Variants in PKHD1 observed in about 807,000 individuals in gnomAD.
PKHD1 encodes fibrocystin.
Under a neutral mutation model 412.0 loss-of-function variants are expected in PKHD1, and 291 were observed. The observed-to-expected ratio is 0.71, with a 90% CI of 0.64 to 0.78. The LOEUF is 0.78. Ranked by LOEUF, PKHD1 falls within the 30% of genes least tolerant of loss-of-function variation. The probability of loss-of-function intolerance (pLI) is 0.00; values close to 1 mark genes in which losing one functional copy is unlikely to be tolerated. For missense variants in PKHD1, 4,825 were observed against 4,950.7 expected (o/e 0.97, Z 0.76); for synonymous variants, 1,777 against 1,821.5 (o/e 0.98, Z 0.62).
intron 49 of PKHD1, among the ~76,000 whole-genome samples, chr6:51,853,911 A>G: frequency 6.6e-6 from 1 of 152,198 alleles, no homozygotes; most frequent in South Asian, 2.1e-4. Flanking sequence ...TCTGAAGCCT[A>G]CGTCTCTCAA....
chr6:51,627,093 C>G lies in PKHD1; in HGVS notation c.11689G>C (p.Glu3897Gln), dbSNP rs769711602. Residue 3897 changes from glutamate (E) to glutamine (Q), a missense_variant, in exon 66 of 67, where the codon GAA becomes CAA. By Grantham distance (29) the Glu-to-Gln change is conservative (BLOSUM62 2). Coordinates refer to ENST00000371117, the MANE Select transcript of PKHD1 (RefSeq NM_138694.4). ...ATATTTTGATTATTAGTCTGGGATT[C>G]AGGAATCTCTTCAGGTTTTGTTTCT... ...SRKTKPEEIP[E>Q]SQTNNQNIHI... The G allele has an allele frequency of 6.2e-7, 1 of 1,611,546 alleles. No homozygotes were observed. Among genetic ancestry groups the G allele is most frequent in the East Asian group, 2.2e-5 (1 of 44,870 alleles).
intron 52 of PKHD1, among the ~76,000 whole-genome samples, chr6:51,804,764 C>T (rs1326579): frequency 0.59 from 89,709 of 151,870 alleles, 26,808 homozygotes; most frequent in South Asian, 0.67. Context: ...AAGTCAGAAG[C>T]GGGAAAGAGC....
rs1247559530 is a variant in PKHD1, at chr6:51,617,920, ATC to A, written c.*1159_*1160del. The A allele has an allele frequency of 6.6e-6, 1 of 152,072 alleles. No homozygotes were observed. Among genetic ancestry groups the A allele is most frequent in the African/African-American group, 2.4e-5 (1 of 41,356 alleles). 9.4% of individuals were successfully genotyped at this position (152,072 alleles called of 1,614,324 possible). Reference sequence around the variant, plus strand: ...GGATTTTCAGGAAAATCTGAGAGCAATCTCTTTTTGGAAGCTCTCCACATTCC... The same window carrying A: ...GGATTTTCAGGAAAATCTGAGAGCAATCTTTTTGGAAGCTCTCCACATTCC... On this transcript the variant is annotated 3_prime_UTR_variant, in exon 67 of 67. Coordinates refer to ENST00000371117, the MANE Select transcript of PKHD1 (RefSeq NM_138694.4).
At chr6:52,027,545 A>AT (rs1424091858) in intron 31 of PKHD1, among the ~76,000 whole-genome samples, 1 of 150,650 alleles carries the variant, frequency 6.6e-6, no homozygotes, top group Non-Finnish European at 1.5e-5. Flanking sequence ...AAAAAAAAAA[A>AT]AAAAGAAGAA....
chr6:51,760,126 A>C (rs1296431514), intron 55 of PKHD1, among the ~76,000 whole-genome samples: 8 of 152,136 alleles, frequency 5.3e-5, no homozygotes, highest in African/African-American at 1.9e-4. Context: ...AGTTGTTATA[A>C]TAATAAAGTT....
intron 43 of PKHD1, among the ~76,000 whole-genome samples, chr6:51,899,660 T>C (rs910239762): frequency 2.6e-5 from 4 of 151,778 alleles, no homozygotes; most frequent in Non-Finnish European, 5.9e-5. Context: ...TTGGAAGTTC[T>C]GGCCAGGGCA....
chr6:52,061,669 A>C (rs1409130849), intron 14 of PKHD1, among the ~76,000 whole-genome samples: 4 of 150,836 alleles, frequency 2.7e-5, no homozygotes, highest in African/African-American at 7.3e-5. Context: ...ATTACCTTCA[A>C]CGGTAAAAAC....
chr6:51,908,716 T>A (rs1006724895), intron 40 of PKHD1, among the ~76,000 whole-genome samples: 5 of 152,108 alleles, frequency 3.3e-5, no homozygotes, highest in African/African-American at 1.2e-4. Context: ...TTCTTATATC[T>A]TCATGTCTGG....
intron 49 of PKHD1, among the ~76,000 whole-genome samples, chr6:51,851,209 G>C (rs762768469): frequency 6.6e-6 from 1 of 152,130 alleles, no homozygotes; most frequent in African/African-American, 2.4e-5. Flanking sequence ...TTATTGATTT[G>C]TGTATGTTGA....
chr6:51,697,127 G>T (rs1344341571), intron 60 of PKHD1, among the ~76,000 whole-genome samples: 2 of 152,004 alleles, frequency 1.3e-5, no homozygotes, highest in Non-Finnish European at 2.9e-5. Context: ...TTGCAGTGAC[G>T]TGAGATCGTA....
At chr6:51,956,688 T>C (rs752235806) in intron 36 of PKHD1, among the ~76,000 whole-genome samples, 2 of 152,066 alleles carry the variant, frequency 1.3e-5, no homozygotes, top group Non-Finnish European at 2.9e-5. Context: ...GGGGTGGCTG[T>C]AATTTTAGAA....
At chr6:51,625,415 A>G (rs778706064) in intron 66 of PKHD1, among the ~76,000 whole-genome samples, 1 of 152,346 alleles carries the variant, frequency 6.6e-6, no homozygotes, top group South Asian at 2.1e-4. Flanking sequence ...TTTGTCTTCA[A>G]AACGATACTC....
At chr6:52,014,992 C>T (rs1247162326) in intron 34 of PKHD1, among the ~76,000 whole-genome samples, 1 of 152,180 alleles carries the variant, frequency 6.6e-6, no homozygotes, top group African/African-American at 2.4e-5. Context: ...AGTACTCCAA[C>T]CACCTAGAGA....
At chr6:51,928,469 C>G (rs1182424646) in intron 37 of PKHD1, among the ~76,000 whole-genome samples, 1 of 152,108 alleles carries the variant, frequency 6.6e-6, no homozygotes, top group Non-Finnish European at 1.5e-5. Flanking sequence ...ATTTACACAC[C>G]ACATCAGCTC....
chr6:51,623,780 T>C (rs1197783624), intron 66 of PKHD1, among the ~76,000 whole-genome samples: 1 of 151,974 alleles, frequency 6.6e-6, no homozygotes, highest in Non-Finnish European at 1.5e-5. Context: ...AGAGACGGGG[T>C]TTCACCACAT....
intron 55 of PKHD1, 102 bp downstream of exon 55, chr6:51,772,597 TATA>T: frequency 1.6e-6 from 1 of 611,396 alleles, no homozygotes; most frequent in African/African-American, 1.8e-5. Flanking sequence ...ATCCTTTAAT[TATA>T]ATGTTTAACC....
At chr6:51,632,474 T>C in intron 65 of PKHD1, 91 bp downstream of exon 65, 1 of 1,128,658 alleles carries the variant, frequency 8.9e-7, no homozygotes, top group South Asian at 1.4e-5. Flanking sequence ...AAAATTTGTC[T>C]TTGGGGAAAG....
At chr6:51,894,283 C>G (rs1779553517) in intron 43 of PKHD1, among the ~76,000 whole-genome samples, 1 of 152,062 alleles carries the variant, frequency 6.6e-6, no homozygotes, top group Non-Finnish European at 1.5e-5. Flanking sequence ...AGAAATGTAC[C>G]AGGGAATGCC....
chr6:51,648,840 G>A (rs1770482631), intron 62 of PKHD1, among the ~76,000 whole-genome samples: 1 of 152,134 alleles, frequency 6.6e-6, no homozygotes, highest in Non-Finnish European at 1.5e-5. Flanking sequence ...ATTTGGTTGG[G>A]GAGGAAAAGT....
Sources: gnomAD v4.1 joint callset for allele counts (sites outside exome capture counted in the v4.1 genomes callset) on GRCh38, gnomAD v4.1.1 for gene constraint, MANE v1.5 for transcripts, NCBI Gene and HGNC (gene_info 2026-07-23, HGNC 2026-07-21) for gene names.